The following POLRMT variants were observed in gnomAD, a reference collection of about 807,000 sequenced individuals.
POLRMT encodes the protein RNA polymerase mitochondrial, also known as DNA-directed RNA polymerase, mitochondrial.
In POLRMT, 114 loss-of-function variants were observed where a neutral mutation model predicts 132.2. The ratio of observed to expected loss-of-function variants is 0.86; its 90% confidence interval spans 0.74 to 1.01. The LOEUF is 1.01. Ranked by LOEUF, POLRMT falls within the 50% of genes least tolerant of loss-of-function variation. The probability of loss-of-function intolerance (pLI) is 0.00; values close to 1 mark genes in which losing one functional copy is unlikely to be tolerated. For missense variants in POLRMT, 2,003 were observed against 1,729.1 expected, an observed-to-expected ratio of 1.16 and a Z score of -2.81; for synonymous variants, 1,020 against 773.4, an observed-to-expected ratio of 1.32 and a Z score of -5.29.
chr19:623,757 CAG>C (rs958367452), intron 5 of POLRMT, among the ~76,000 whole-genome samples, 154 bp from the exon 6 acceptor site: 3 of 152,206 alleles, frequency 2.0e-5, no homozygotes, highest in African/African-American at 7.2e-5. Context: ...CGGGTAAAGT[CAG>C]TGCCAGCAGT....
chr19:619,564 C>T, intron 13 of POLRMT, 22 bp downstream of exon 13: 1 of 1,611,066 alleles, frequency 6.2e-7, no homozygotes, highest in Non-Finnish European at 8.5e-7. Context: ...AACGTGTTCG[C>T]AGCGCGACAT....
intron 10 of POLRMT, 114 bp downstream of exon 10, chr19:620,944 A>AGGG: frequency 4.2e-6 from 1 of 239,774 alleles, no homozygotes; most frequent in Non-Finnish European, 6.3e-6. Flanking sequence ...GGGGAGGGGG[A>AGGG]GGGGAGGAGG....
Position 632,939 on chromosome 19 carries a change from C to G in POLRMT, c.89-1G>C, listed in dbSNP as rs1315863010. 6.6e-7 allele frequency: 1 copy of G among 1,503,864 alleles called. No individual in the cohort carries two copies. Among genetic ancestry groups the G allele is most frequent in the Non-Finnish European group, 8.8e-7 (1 of 1,130,892 alleles). 93.2% of individuals were successfully genotyped at this position (1,503,864 alleles called of 1,614,324 possible). Reference sequence around the variant, plus strand: ...GGGCCGCAGACGCCACCGGCGGTCCCTGCGGGAAAGACGAGAGCGGCTGAG... The same window carrying G: ...GGGCCGCAGACGCCACCGGCGGTCCGTGCGGGAAAGACGAGAGCGGCTGAG... On this transcript the variant is annotated splice_acceptor_variant, in intron 1 of 20. Transcript: ENST00000588649. LOFTEE classifies it high-confidence loss of function.
intron 5 of POLRMT, 65 bp downstream of exon 5, chr19:624,654 G>A: frequency 6.5e-7 from 1 of 1,547,442 alleles, no homozygotes; most frequent in Non-Finnish European, 8.8e-7. Context: ...TCTGAGCTGA[G>A]GCTCCAGGAA....
Position 617,885 on chromosome 19 carries a change from G to A in POLRMT, c.3423-36C>T, listed in dbSNP as rs368080596. On this transcript the variant is annotated intron_variant, in intron 17 of 20. Transcript: ENST00000588649. ...GCGGAGGACTCCTGAAGGGAGGGGAGCTCACAGGGCCACCCAGTGACCAGC... is the reference window on the plus strand; with the variant it reads ...GCGGAGGACTCCTGAAGGGAGGGGAACTCACAGGGCCACCCAGTGACCAGC... The A allele has an allele frequency of 1.9e-6, 3 of 1,592,198 alleles. 1 individual carries two copies. In the African/African-American group the frequency reaches 4.0e-5, roughly 21 times the overall value.
rs775746912 is a variant in POLRMT at position 617,585 on chromosome 19, T to C, written c.3566A>G (p.Lys1189Arg). The C allele has an allele frequency of 1.2e-6, 2 of 1,612,136 alleles. No homozygotes were observed. The highest frequency in any genetic ancestry group is 1.7e-5 in the Admixed American group (1 of 60,028). ...ILQDLSRFLV[K>R]RFCSEPQKIL... ...AGCGCCTTACTCAGAGCAGAACCGC[T>C]TGACCAGGAATCTGGACAGGTCCTG... The change falls in exon 19 of 21, where the codon AAG becomes AGG. Residue 1189 changes from lysine to arginine, a missense_variant. By Grantham distance (26) the Lys-to-Arg change is conservative (BLOSUM62 2). Transcript: ENST00000588649.
intron 8 of POLRMT, 25 bp from the exon 9 acceptor site, chr19:622,398 C>G: frequency 6.5e-7 from 1 of 1,526,968 alleles, no homozygotes; most frequent in Non-Finnish European, 8.8e-7. Flanking sequence ...GGTCAGGGCG[C>G]TGGGCACCGG....
At chr19:623,370 G>A (rs973940152) in intron 6 of POLRMT, 84 bp downstream of exon 6, 9 of 1,553,224 alleles carry the variant, frequency 5.8e-6, no homozygotes, top group East Asian at 2.3e-5. Context: ...CGGCGGACAC[G>A]GGACCCCGGC....
chr19:620,406 A>C lies in POLRMT; in HGVS notation c.2722T>G (p.Ser908Ala). The change falls in exon 11 of 21, where the codon TCC becomes GCC. Residue 908 changes from serine to alanine, a missense_variant. Physicochemically the swap from Ser to Ala is moderately conservative, Grantham distance 99 (BLOSUM62 1). Coordinates refer to ENST00000588649, the MANE Select transcript of POLRMT (RefSeq NM_005035.4). ...TGGGAGACATAGGCGGCAGGGTCGG[A>C]GGCGCGCACAGCGTTCGCCACCTCC... ...CMEVANAVRA[S>A]DPAAYVSHLP... 1 of 1,587,034 alleles carries C rather than the reference A, an allele frequency of 6.3e-7. No homozygotes were observed. Among genetic ancestry groups the C allele is most frequent in the South Asian group, 1.1e-5 (1 of 87,274 alleles).
rs1233417722 is a variant in POLRMT, at chr19:619,006, G to A, written c.3258C>T (p.Ser1086=). The change falls in exon 15 of 21, where the codon TCC becomes TCT. Residue 1086 remains serine (S), a synonymous_variant. Transcript: ENST00000588649. Reference sequence around the variant, plus strand: ...GGGGTGGTACACTGACCTTGACCTTGGAGTCCAGGCGATAGGGCTGGATGA... The same window carrying A: ...GGGGTGGTACACTGACCTTGACCTTAGAGTCCAGGCGATAGGGCTGGATGA... ...VPVIQPYRLD[S]KVKQIGGGIQ... is the part of the protein sequence containing the mutation. 9 of 1,584,186 alleles carry A rather than the reference G, an allele frequency of 5.7e-6. No individual in the cohort carries two copies. Among genetic ancestry groups the A allele is most frequent in the Non-Finnish European group, 7.7e-6 (9 of 1,163,874 alleles).
At position 623,454 on chromosome 19, in the gene POLRMT, C is replaced by A. The variant is rs1326838256; in HGVS notation, c.1290G>T (p.Ala430=). The A allele has an allele frequency of 1.2e-6, 2 of 1,611,312 alleles. No homozygotes were observed. Among genetic ancestry groups the A allele is most frequent in the East Asian group, 2.2e-5 (1 of 44,852 alleles). The change falls in exon 6 of 21, where the codon GCG becomes GCT. Residue 430 remains alanine, a splice_region_variant and synonymous_variant. Transcript: ENST00000588649. ...CACGGGACCCCGGCTCAGCCCCTAC[C>A]GCGTGCTTGACCTCCTTGCTTGGCA... ...PTLPSKEVKH[A]RKTLKTLRDQ...
rs201389724 is a variant in POLRMT at position 619,792 on chromosome 19, G to C, written c.2887-27C>G. On this transcript the variant is annotated intron_variant, in intron 12 of 20. Coordinates refer to ENST00000588649, the MANE Select transcript of POLRMT (RefSeq NM_005035.4). The stretch of plus-strand genomic sequence containing the variant: ...TGCACGGCGGGTGGGCCGGGGGCGC[G>C]GGTCAGCCCCGCTAGCAGCCCAGGG... 1.9e-6 allele frequency: 3 copies of C among 1,549,982 alleles called. No homozygotes were observed. In the East Asian group the frequency reaches 6.8e-5, roughly 35 times the overall value.
At chr19:626,898 C>CATATATATATATAT (rs113561619) in intron 3 of POLRMT, among the ~76,000 whole-genome samples, 1 of 146,702 alleles carries the variant, frequency 6.8e-6, no homozygotes, top group African/African-American at 2.5e-5. Flanking sequence ...CACACACACA[C>CATATATATATATAT]ATATATATAT....
rs780747692 is a variant in POLRMT at position 619,613 on chromosome 19, G to T, written c.3039C>A (p.Arg1013=). The T allele has an allele frequency of 1.9e-6, 3 of 1,610,944 alleles. No individual in the cohort carries two copies. The East Asian group carries it at 6.7e-5, about 36-fold the overall frequency. The change falls in exon 13 of 21, where the codon CGC becomes CGA. Residue 1013 remains arginine, a synonymous_variant. Coordinates refer to ENST00000588649, the MANE Select transcript of POLRMT (RefSeq NM_005035.4). ...RYGGRLQIEK[R]LRELSDFPQE... is the part of the protein sequence containing the mutation. ...GGGGAAAGTCGCTCAGCTCCCGGAGGCGCTTCTCAATCTGCAGGCGCCCGC... is the reference window on the plus strand; with the variant it reads ...GGGGAAAGTCGCTCAGCTCCCGGAGTCGCTTCTCAATCTGCAGGCGCCCGC...
chr19:632,672 G>A (rs953494407), intron 2 of POLRMT, among the ~76,000 whole-genome samples, 162 bp downstream of exon 2: 4 of 152,228 alleles, frequency 2.6e-5, no homozygotes, highest in African/African-American at 9.6e-5. Context: ...CAGGGCCCAT[G>A]AGCGGTGCAA....
At chr19:626,933 A>G (rs967145635) in intron 3 of POLRMT, among the ~76,000 whole-genome samples, 1 of 150,828 alleles carries the variant, frequency 6.6e-6, no homozygotes, top group Non-Finnish European at 1.5e-5. Flanking sequence ...ATATATATAT[A>G]ATTTTTTTCT....
chr19:620,923 A>AG (rs1984499953), intron 10 of POLRMT, 135 bp downstream of exon 10: 1 of 82,858 alleles, frequency 1.2e-5, no homozygotes, highest in Non-Finnish European at 1.9e-5. Flanking sequence ...GAAGACGGGC[A>AG]GGGGGCGCCA....
rs1319640445 is a variant in POLRMT, at chr19:620,446, C to T, written c.2682G>A (p.Thr894=). 9.4e-6 allele frequency: 15 copies of T among 1,599,540 alleles called. No individual in the cohort carries two copies. Among genetic ancestry groups the T allele is most frequent in the African/African-American group, 4.0e-5 (3 of 74,630 alleles). The part of the protein sequence containing the change: ...WWMGAEEPWQ[T]LACCMEVANA... ...TCGCCACCTCCATACAGCAGGCCAGCGTCTGCCAGGGTTCCTCCGCGCCCA... is the reference window on the plus strand; with the variant it reads ...TCGCCACCTCCATACAGCAGGCCAGTGTCTGCCAGGGTTCCTCCGCGCCCA... Residue 894 remains threonine (T), a synonymous_variant, in exon 11 of 21, where the codon ACG becomes ACA. Coordinates refer to ENST00000588649, the MANE Select transcript of POLRMT (RefSeq NM_005035.4).
chr19:627,928 A>G (rs1985139861), intron 3 of POLRMT, among the ~76,000 whole-genome samples: 1 of 148,792 alleles, frequency 6.7e-6, no homozygotes, highest in South Asian at 2.1e-4. Context: ...CTATCTCAAA[A>G]AAAAAAAAAA....
Sources: allele counts gnomAD v4.1 joint callset (sites outside exome capture counted in the v4.1 genomes callset), GRCh38; gene constraint gnomAD v4.1.1; transcripts MANE v1.5; gene names NCBI Gene and HGNC (gene_info 2026-07-23, HGNC 2026-07-21).